DPY19L3: variants seen among roughly 807,000 people sequenced by gnomAD.
The protein encoded by DPY19L3 is dpy-19 like C-mannosyltransferase 3, also known as protein C-mannosyl-transferase DPY19L3.
Under a neutral mutation model 92.3 loss-of-function variants are expected in DPY19L3, and 51 were observed. The observed-to-expected ratio is 0.55, with a 90% CI of 0.44 to 0.70. The LOEUF (loss-of-function observed/expected upper bound fraction) is 0.70, where lower values mean the gene tolerates loss of function less well. Among genes scored for constraint, DPY19L3 ranks in the 30% least tolerant of loss-of-function variants. DPY19L3 has a pLI of 0.00. For synonymous variants in DPY19L3, 309 were observed against 315.2 expected (o/e 0.98, Z 0.21); for missense variants, 706 against 855.9 (o/e 0.82, Z 2.18).
intron 16 of DPY19L3, among the ~76,000 whole-genome samples, chr19:32,473,562 A>G (rs1970416267): frequency 6.6e-6 from 1 of 152,226 alleles, no homozygotes; most frequent in Admixed American, 6.5e-5. Flanking sequence ...AGGACAGTGA[A>G]TATAAGTATC....
intron 16 of DPY19L3, among the ~76,000 whole-genome samples, chr19:32,471,923 T>A (rs1359023180): frequency 2.0e-5 from 3 of 152,194 alleles, no homozygotes; most frequent in Non-Finnish European, 4.4e-5. Flanking sequence ...CATCTGAAGT[T>A]GTGCACTTAT....
At chr19:32,471,550 A>G (rs1025686788) in intron 16 of DPY19L3, among the ~76,000 whole-genome samples, 1 of 152,084 alleles carries the variant, frequency 6.6e-6, no homozygotes, top group African/African-American at 2.4e-5. Flanking sequence ...TGTTGAAAAG[A>G]AGCTTATCCA....
rs1385965582 is a variant in DPY19L3, at chr19:32,407,677, C to G, written c.-37-540C>G. Reference sequence around the variant, plus strand: ...CTCGTTTGTGTTGCTTACCTGTATTCCTGACTCCTGGCAGGGCCTGCTGTA... The same window carrying G: ...CTCGTTTGTGTTGCTTACCTGTATTGCTGACTCCTGGCAGGGCCTGCTGTA... On this transcript the variant is annotated intron_variant, in intron 1 of 18. Coordinates refer to ENST00000392250, the MANE Select transcript of DPY19L3 (RefSeq NM_001172774.2). Among the ~76,000 whole-genome samples, 3 of 152,266 alleles carry G rather than the reference C, an allele frequency of 2.0e-5. No individual in the cohort carries two copies. The East Asian group carries it at 5.8e-4, about 29-fold the overall frequency.
intron 13 of DPY19L3, 36 bp from the exon 14 acceptor site, chr19:32,463,833 A>G: frequency 2.0e-6 from 3 of 1,529,394 alleles, no homozygotes; most frequent in Non-Finnish European, 2.7e-6. Context: ...ATATACAACT[A>G]GTACTTCTGA....
chr19:32,448,437 T>C (rs571237821), intron 8 of DPY19L3, among the ~76,000 whole-genome samples: 2 of 152,308 alleles, frequency 1.3e-5, no homozygotes, highest in South Asian at 4.1e-4. Context: ...CTGCACACAA[T>C]TTTTGACTCC....
chr19:32,417,016 G>C (rs1037079600), intron 3 of DPY19L3, among the ~76,000 whole-genome samples: 1 of 152,200 alleles, frequency 6.6e-6, no homozygotes, highest in African/African-American at 2.4e-5. Flanking sequence ...TGCTAGCCCA[G>C]GCTTTCAGAT....
At chr19:32,409,327 TA>T (rs1260880339) in intron 2 of DPY19L3, among the ~76,000 whole-genome samples, 1 of 152,266 alleles carries the variant, frequency 6.6e-6, no homozygotes, top group Admixed American at 6.5e-5. Flanking sequence ...TGTAGCTTGC[TA>T]TTTTTCTCTT....
intron 3 of DPY19L3, among the ~76,000 whole-genome samples, chr19:32,416,295 G>C (rs1441809714): frequency 6.6e-6 from 1 of 152,236 alleles, no homozygotes; most frequent in Non-Finnish European, 1.5e-5. Context: ...CTCCTTAGCA[G>C]CGGGGTGGAT....
chr19:32,410,873 C>G (rs1159805374), intron 2 of DPY19L3, among the ~76,000 whole-genome samples: 1 of 152,184 alleles, frequency 6.6e-6, no homozygotes, highest in East Asian at 1.9e-4. Flanking sequence ...TCTAAAAGAT[C>G]GATTACGTCC....
At chr19:32,472,591 A>G (rs1020884189) in intron 16 of DPY19L3, among the ~76,000 whole-genome samples, 24 of 150,010 alleles carry the variant, frequency 1.6e-4, no homozygotes, top group African/African-American at 4.9e-4. Flanking sequence ...CGGTAGTTTT[A>G]AAGGTTTTCT....
chr19:32,410,666 C>G (rs1968148061), intron 2 of DPY19L3, among the ~76,000 whole-genome samples: 1 of 152,038 alleles, frequency 6.6e-6, no homozygotes, highest in Non-Finnish European at 1.5e-5. Context: ...GCCTGTAGTC[C>G]CAGCTACTCA....
At chr19:32,445,083 A>C (rs928046695) in intron 8 of DPY19L3, among the ~76,000 whole-genome samples, 1 of 151,452 alleles carries the variant, frequency 6.6e-6, no homozygotes. Context: ...CTCAAAAAAA[A>C]AAAAAAAAAC....
intron 1 of DPY19L3, among the ~76,000 whole-genome samples, chr19:32,406,593 C>T (rs1346173764): frequency 6.6e-6 from 1 of 152,128 alleles, no homozygotes; most frequent in Admixed American, 6.5e-5. Context: ...CTGAAGTCAT[C>T]CTCCTGCCTC....
intron 3 of DPY19L3, among the ~76,000 whole-genome samples, chr19:32,425,104 C>G (rs1968712237): frequency 6.6e-6 from 1 of 152,170 alleles, no homozygotes; most frequent in Admixed American, 6.5e-5. Flanking sequence ...GCCTAAATGT[C>G]TAAAACTATA....
intron 3 of DPY19L3, among the ~76,000 whole-genome samples, chr19:32,422,198 C>T (rs1968594628): frequency 6.6e-6 from 1 of 152,136 alleles, no homozygotes; most frequent in Non-Finnish European, 1.5e-5. Context: ...GAAGAACAGT[C>T]ACCAGAATAA....
chr19:32,434,527 C>T (rs570235076), intron 4 of DPY19L3, among the ~76,000 whole-genome samples: 7 of 152,068 alleles, frequency 4.6e-5, no homozygotes, highest in Non-Finnish European at 7.4e-5. Context: ...GGCGTAGTGG[C>T]GCATGCCTGT....
intron 16 of DPY19L3, among the ~76,000 whole-genome samples, chr19:32,475,961 TG>T (rs1206737037): frequency 2.0e-5 from 3 of 152,226 alleles, no homozygotes; most frequent in Admixed American, 6.5e-5. Flanking sequence ...GTATGCTCAT[TG>T]TCATTCCAGC....
chr19:32,438,657 G>A (rs1490888640), intron 6 of DPY19L3, among the ~76,000 whole-genome samples: 1 of 152,044 alleles, frequency 6.6e-6, no homozygotes, highest in Non-Finnish European at 1.5e-5. Context: ...ACCCATACTT[G>A]CCCTGTTGGG....
intron 1 of DPY19L3, among the ~76,000 whole-genome samples, chr19:32,408,000 C>A (rs1968037519): frequency 6.6e-6 from 1 of 151,952 alleles, no homozygotes; most frequent in African/African-American, 2.4e-5. Flanking sequence ...AGGTGGATCA[C>A]CTGAGCCTGT....
Sources: gnomAD v4.1 joint callset for allele counts (sites outside exome capture counted in the v4.1 genomes callset) on GRCh38, gnomAD v4.1.1 for gene constraint, MANE v1.5 for transcripts, NCBI Gene and HGNC (gene_info 2026-07-23, HGNC 2026-07-21) for gene names.